The following CTBP1 variants were observed in gnomAD, a reference collection of about 807,000 sequenced individuals.
The protein encoded by CTBP1 is C-terminal binding protein 1.
CTBP1 carries 11 observed loss-of-function variants against 42.1 expected under a neutral mutation model. The ratio of observed to expected loss-of-function variants is 0.26; its 90% CI spans 0.16 to 0.43. The LOEUF (loss-of-function observed/expected upper bound fraction) is 0.43. Among genes scored for constraint, CTBP1 ranks in the 20% least tolerant of loss-of-function variants. The pLI, the probability that CTBP1 is intolerant of heterozygous loss-of-function variation, is 1.00. For synonymous variants in CTBP1, 324 were observed against 277.1 expected (o/e 1.17, Z -1.68); for missense variants, 399 against 624.3 (o/e 0.64, Z 3.85).
At chr4:1,243,282 G>A (rs779455577) in intron 1 of CTBP1, 90 of 985,280 alleles carry the variant, frequency 9.1e-5, no homozygotes, top group Non-Finnish European at 1.1e-4. Flanking sequence ...ATGTGTGAAG[G>A]CCACCCTGGC....
chr4:1,245,043 G>C (rs1732573275), intron 1 of CTBP1: 1 of 985,288 alleles, frequency 1.0e-6, no homozygotes, highest in Admixed American at 6.1e-5. Flanking sequence ...AGAGCACGGG[G>C]CCAAGAGAAC....
intron 1 of CTBP1, chr4:1,244,819 C>T (rs1732550674): frequency 1.0e-6 from 1 of 985,458 alleles, no homozygotes; most frequent in Non-Finnish European, 1.2e-6. Flanking sequence ...CCCCCTCTGG[C>T]TGTCCAGGCC....
At chr4:1,221,312 G>A (rs1268975) in intron 5 of CTBP1, 116,643 of 152,268 alleles carry the variant, frequency 0.77, 46,018 homozygotes, top group South Asian at 0.89. Flanking sequence ...CGCGGCTGCC[G>A]GAGCATGACG....
chr4:1,249,613 G>A (rs767071033), upstream of CTBP1: 1 of 380,138 alleles, frequency 2.6e-6, no homozygotes, highest in South Asian at 1.7e-5. Context: ...CCGAGGCCGC[G>A]GGCCCCCCAT....
intron 1 of CTBP1, chr4:1,245,018 G>T (rs1577081947): frequency 1.0e-6 from 1 of 985,486 alleles, no homozygotes; most frequent in Non-Finnish European, 1.2e-6. Flanking sequence ...ACAGCAGCAT[G>T]GAGCCACTGG....
chr4:1,244,354 T>TGA (rs1553851069), intron 1 of CTBP1: 3 of 961,834 alleles, frequency 3.1e-6, no homozygotes, highest in Non-Finnish European at 3.7e-6. Context: ...CTCTGGGCAC[T>TGA]GGGGGGGGGG....
chr4:1,230,039 A>T (rs974868484), intron 3 of CTBP1, among the ~76,000 whole-genome samples: 1 of 152,194 alleles, frequency 6.6e-6, no homozygotes, highest in East Asian at 1.9e-4. Context: ...TGTAACACTC[A>T]TCAGTTCATG....
intron 5 of CTBP1, among the ~76,000 whole-genome samples, chr4:1,225,101 CTG>C (rs1486512228): frequency 1.3e-5 from 2 of 151,600 alleles, no homozygotes; most frequent in Non-Finnish European, 2.9e-5. Flanking sequence ...CTGTGTGAGG[CTG>C]TGTGTGCTGT....
chr4:1,242,030 G>C (rs1471070345), intron 1 of CTBP1: 1 of 993,552 alleles, frequency 1.0e-6, no homozygotes, highest in Non-Finnish European at 1.2e-6. Flanking sequence ...ATCCAGCCTG[G>C]CACTGCCTGC....
intron 5 of CTBP1, chr4:1,221,331 C>G (rs1729711807): frequency 6.6e-6 from 1 of 152,408 alleles, no homozygotes; most frequent in Non-Finnish European, 1.5e-5. Context: ...CGCCGCGCCC[C>G]TGCCTGAAGA....
Position 1,248,831 on chromosome 4 carries a change from TCCGCCCCCGCGCCCC to T in CTBP1, c.-189+70_-189+84del, listed in dbSNP as rs1242070043. On this transcript the variant is annotated intron_variant, in intron 1 of 9. Transcript: ENST00000382952. Reference sequence around the variant, plus strand: ...CGGCGGCCCGCGGGCGCGCGCTCGGTCCGCCCCCGCGCCCCCCGCCCGCGCGGCACCCGCCCCGCC... The same window carrying T: ...CGGCGGCCCGCGGGCGCGCGCTCGGTCCGCCCGCGCGGCACCCGCCCCGCC... The T allele has an allele frequency of 5.8e-4, 518 of 886,670 alleles. 2 individuals are homozygous for T. Among genetic ancestry groups the T allele is most frequent in the Middle Eastern group, 2.4e-3 (4 of 1,688 alleles). The allele number at this position is 886,670 out of a possible 1,614,324, so 54.9% of individuals were successfully genotyped here. A position where few individuals can be genotyped will look rare whatever the true frequency, so the allele number is the denominator to read the frequency against.
rs1350882827 is a variant in CTBP1 at position 1,212,372 on chromosome 4, C to T, written c.1158G>A (p.Val386=). 1 of 1,504,090 alleles carries T rather than the reference C, an allele frequency of 6.6e-7. No homozygotes were observed. Among genetic ancestry groups the T allele is most frequent in the South Asian group, 1.3e-5 (1 of 77,484 alleles). 93.2% of individuals were successfully genotyped at this position (1,504,090 alleles called of 1,614,324 possible). The change falls in exon 10 of 10, where the codon GTG becomes GTA. Residue 386 remains valine, a synonymous_variant. Coordinates refer to ENST00000382952, the MANE Select transcript of CTBP1 (RefSeq NM_001012614.2). ...ACATGGCGCTGGGGACGATACCTTC[C>T]ACAGCAGCTGGGATGCCAGTGGGGG... ...GVAPTGIPAA[V]EGIVPSAMSL...
intron 5 of CTBP1, among the ~76,000 whole-genome samples, chr4:1,221,302 C>T (rs935634148): frequency 5.9e-5 from 9 of 152,218 alleles, no homozygotes; most frequent in African/African-American, 1.9e-4. Context: ...GGCAAGGATA[C>T]GCGGCTGCCG....
At chr4:1,248,815 G>T in intron 1 of CTBP1, 101 bp downstream of exon 1, 1 of 923,604 alleles carries the variant, frequency 1.1e-6, no homozygotes, top group Non-Finnish European at 1.3e-6. Context: ...CCGGCGGCCC[G>T]CGGGCGCGCG....
intron 5 of CTBP1, among the ~76,000 whole-genome samples, chr4:1,220,855 A>T (rs1729658472): frequency 6.6e-6 from 1 of 152,260 alleles, no homozygotes; most frequent in Non-Finnish European, 1.5e-5. Context: ...CTGGACCTAG[A>T]GGTAGAAGCT....
intron 3 of CTBP1, among the ~76,000 whole-genome samples, chr4:1,234,104 C>T (rs1731241222): frequency 6.6e-6 from 1 of 152,190 alleles, no homozygotes; most frequent in Non-Finnish European, 1.5e-5. Flanking sequence ...TTGGCCACCC[C>T]TAGTGGCAAG....
rs180862964 is a variant in CTBP1, at chr4:1,238,516, T to C, written c.8-179A>G. Among the ~76,000 whole-genome samples the C allele has an allele frequency of 3.9e-5, 6 of 152,232 alleles. No individual in the cohort carries two copies. The East Asian group carries it at 9.7e-4, about 24-fold the overall frequency. ...ATCCACGTGAAAGACAACTCGTGTG[T>C]GCCTCAGCTCGCTGACTCAAGTGGA... On this transcript the variant is annotated intron_variant, in intron 2 of 9. Coordinates refer to ENST00000382952, the MANE Select transcript of CTBP1 (RefSeq NM_001012614.2). This position sits in a 1 kb window ranked among gnomAD's most constrained non-coding sequence, Gnocchi z 5.9.
Position 1,214,401 on chromosome 4 carries a change from G to A in CTBP1, c.802C>T (p.Leu268=). 5 of 1,567,364 alleles carry A rather than the reference G, an allele frequency of 3.2e-6. No individual in the cohort carries two copies. The highest frequency in any genetic ancestry group is 4.3e-6 in the Non-Finnish European group (5 of 1,161,572). The part of the protein sequence containing the change: ...LVDEKALAQA[L]KEGRIRGAAL... ...GCGCCGCGGATCCGGCCCTCCTTCA[G>A]GGCCTGGGCCAGCGCCTTCTCATCC... Residue 268 remains leucine (L), a synonymous_variant, in exon 7 of 10, where the codon CTG becomes TTG. Coordinates refer to ENST00000382952, the MANE Select transcript of CTBP1 (RefSeq NM_001012614.2).
intron 9 of CTBP1, 70 bp from the exon 10 acceptor site, chr4:1,212,493 G>T: frequency 7.6e-7 from 1 of 1,307,370 alleles, no homozygotes. Flanking sequence ...TGCCCTCCTA[G>T]CATCGGCAGC....
Sources: gnomAD v4.1 joint callset for allele counts (sites outside exome capture counted in the v4.1 genomes callset) on GRCh38, gnomAD v4.1.1 for gene constraint, Gnocchi (gnomAD v3.1) non-coding constraint, MANE v1.5 for transcripts, NCBI Gene and HGNC (gene_info 2026-07-23, HGNC 2026-07-21) for gene names.